Variants in CNIH3 observed in about 807,000 individuals in gnomAD.
The protein encoded by CNIH3 is cornichon family AMPA receptor auxiliary protein 3, also known as protein cornichon homolog 3.
CNIH3 carries 14 observed loss-of-function variants against 24.1 expected under a neutral mutation model. The observed-to-expected ratio is 0.58, with a 90% CI of 0.38 to 0.91. The LOEUF (loss-of-function observed/expected upper bound fraction) is 0.91, where lower values mean the gene tolerates loss of function less well. CNIH3 is among the 40% of genes least tolerant of loss of function. The pLI is 0.00. For missense variants in CNIH3, 178 were observed against 196.8 expected (o/e 0.90, Z 0.57); for synonymous variants, 68 against 73.8 (o/e 0.92, Z 0.40).
At chr1:224,434,906 G>A (rs1406940851) in intron 1 of CNIH3, 1 of 985,670 alleles carries the variant, frequency 1.0e-6, no homozygotes, top group Admixed American at 6.2e-5. Flanking sequence ...CGTGCATCGG[G>A]GGCTGTCCCG....
intron 1 of CNIH3, among the ~76,000 whole-genome samples, chr1:224,509,880 C>T (rs892350313): frequency 1.1e-4 from 16 of 152,220 alleles, no homozygotes; most frequent in Admixed American, 5.2e-4. Context: ...GTCAGTGTCT[C>T]CCAGGGGCGA....
At chr1:224,659,695 G>C (rs1685254454) in intron 1 of CNIH3, among the ~76,000 whole-genome samples, 1 of 152,188 alleles carries the variant, frequency 6.6e-6, no homozygotes, top group Non-Finnish European at 1.5e-5. Flanking sequence ...AAAGCCAAGA[G>C]TACGGAATCA....
At chr1:224,544,616 C>T (rs1679634246) in intron 2 of CNIH3, among the ~76,000 whole-genome samples, 1 of 152,102 alleles carries the variant, frequency 6.6e-6, no homozygotes, top group Admixed American at 6.5e-5. Flanking sequence ...GACGCCACTC[C>T]ACCTCTAGGG....
chr1:224,693,107 A>G (rs1160705874), intron 3 of CNIH3, among the ~76,000 whole-genome samples: 2 of 152,254 alleles, frequency 1.3e-5, no homozygotes, highest in East Asian at 1.9e-4. Context: ...TGTCTCATGT[A>G]TAATTTATTT....
chr1:224,477,990 C>G (rs535606046), intron 1 of CNIH3, among the ~76,000 whole-genome samples: 1 of 152,114 alleles, frequency 6.6e-6, no homozygotes, highest in Non-Finnish European at 1.5e-5. Flanking sequence ...TCATACCACT[C>G]TCTCCTGGCC....
chr1:224,729,412 CAAAA>C (rs1184318000), intron 3 of CNIH3, among the ~76,000 whole-genome samples: 3 of 44,600 alleles, frequency 6.7e-5, no homozygotes, highest in African/African-American at 1.8e-4. Flanking sequence ...ACTATGTCTC[CAAAA>C]AAAAAAAAAA....
At chr1:224,717,293 C>T (rs1160169685) in intron 3 of CNIH3, among the ~76,000 whole-genome samples, 3 of 152,180 alleles carry the variant, frequency 2.0e-5, no homozygotes, top group African/African-American at 7.2e-5. Flanking sequence ...AGATGGCCAC[C>T]TTCTCACTGT....
At chr1:224,644,315 A>G (rs545284326) in intron 1 of CNIH3, among the ~76,000 whole-genome samples, 6 of 152,226 alleles carry the variant, frequency 3.9e-5, no homozygotes, top group East Asian at 3.9e-4. Flanking sequence ...GGCTTTAGCA[A>G]TCCTCCTACC....
At chr1:224,541,042 C>A (rs1679492922), downstream of CNIH3, among the ~76,000 whole-genome samples, 1 of 152,040 alleles carries the variant, frequency 6.6e-6, no homozygotes, top group Admixed American at 6.6e-5. Flanking sequence ...TATATTGATG[C>A]CATATGATGT....
upstream of CNIH3, among the ~76,000 whole-genome samples, chr1:224,512,435 G>T (rs969448291): frequency 3.3e-5 from 5 of 152,128 alleles, no homozygotes; most frequent in African/African-American, 9.7e-5. Flanking sequence ...AACTATGATG[G>T]TGCCTCTGCA....
rs116482750 is a variant in CNIH3 at position 224,473,470 on chromosome 1, A to G, written n.203+38608A>G. ...AAATACACTTCACCACTTCTATGCA[A>G]ATGGGAACCTAAAAAGAGCAAGAGT... On this transcript the variant is annotated intron_variant and non_coding_transcript_variant, in intron 1 of 5. Coordinates refer to the CNIH3 transcript ENST00000471578. 5.2e-3 allele frequency among the ~76,000 whole-genome samples: 793 copies of G among 152,340 alleles called. 10 individuals are homozygous for G. The highest frequency in any genetic ancestry group is 0.018 in the African/African-American group (752 of 41,580).
chr1:224,555,411 C>G (rs1235729535), intron 3 of CNIH3, among the ~76,000 whole-genome samples: 1 of 152,114 alleles, frequency 6.6e-6, no homozygotes, highest in Non-Finnish European at 1.5e-5. Context: ...TTTAAAGATT[C>G]TAGGAACTCA....
At position 224,721,075 on chromosome 1, in the gene CNIH3, A is replaced by T. The variant is rs76385628; in HGVS notation, c.199-9387A>T. ...TCTTCTCTCCTTTCCTCCTGCGTCG[A>T]GTGCTCCCGTGCTGCCTCGGTTTGT... On this transcript the variant is annotated intron_variant, in intron 3 of 5. Coordinates refer to ENST00000272133, the MANE Select transcript of CNIH3 (RefSeq NM_152495.2). Among the ~76,000 whole-genome samples the T allele has an allele frequency of 3.5e-4, 53 of 152,150 alleles. No individual in the cohort carries two copies. The East Asian group carries it at 8.5e-3, about 24-fold the overall frequency.
intron 1 of CNIH3, chr1:224,459,270 C>G (rs1025855639): frequency 1.0e-6 from 1 of 956,472 alleles, no homozygotes; most frequent in African/African-American, 1.8e-5. Flanking sequence ...AGGCCGAAAC[C>G]CTGATGACTT....
chr1:224,716,289 T>C (rs1688425436), intron 3 of CNIH3, among the ~76,000 whole-genome samples: 1 of 152,196 alleles, frequency 6.6e-6, no homozygotes, highest in African/African-American at 2.4e-5. Flanking sequence ...ACTCTCACCA[T>C]ATGTTTCTTC....
chr1:224,596,410 A>G (rs1681983261), intron 3 of CNIH3, among the ~76,000 whole-genome samples: 1 of 152,252 alleles, frequency 6.6e-6, no homozygotes, highest in Admixed American at 6.5e-5. Flanking sequence ...GATTCCTTTC[A>G]AAATATTACT....
At chr1:224,562,375 C>A (rs74146390) in intron 3 of CNIH3, among the ~76,000 whole-genome samples, 108 of 152,078 alleles carry the variant, frequency 7.1e-4, no homozygotes, top group Middle Eastern at 6.8e-3. Context: ...GATAAAAGGT[C>A]GGGGTGGTGT....
At chr1:224,668,405 A>T (rs888894955) in intron 1 of CNIH3, among the ~76,000 whole-genome samples, 1 of 152,260 alleles carries the variant, frequency 6.6e-6, no homozygotes, top group Non-Finnish European at 1.5e-5. Context: ...AATGAATGGC[A>T]GCTGGTAGAG....
At chr1:224,580,694 G>A (rs930257386) in intron 4 of CNIH3, among the ~76,000 whole-genome samples, 7 of 151,978 alleles carry the variant, frequency 4.6e-5, no homozygotes, top group African/African-American at 1.7e-4. Context: ...AGGCATGGTG[G>A]TGCATGCCTA....
Sources: allele counts gnomAD v4.1 joint callset (sites outside exome capture counted in the v4.1 genomes callset), GRCh38; gene constraint gnomAD v4.1.1; transcripts MANE v1.5; gene names NCBI Gene and HGNC (gene_info 2026-07-23, HGNC 2026-07-21).